PDHB: variants seen among roughly 807,000 people sequenced by gnomAD.
PDHB encodes the protein pyruvate dehydrogenase E1 component subunit beta, mitochondrial.
PDHB carries 17 observed loss-of-function variants against 42.8 expected under a neutral mutation model. The observed-to-expected ratio is 0.40, with a 90% CI of 0.27 to 0.60. PDHB has a LOEUF of 0.60. Among genes scored for constraint, PDHB ranks in the 20% least tolerant of loss-of-function variants. The pLI is 0.46. For missense variants in PDHB, 322 were observed against 451.3 expected (o/e 0.71, Z 2.60); for synonymous variants, 154 against 148.7 (o/e 1.04, Z -0.26).
Position 58,430,108 on chromosome 3 carries a change from A to C in PDHB, c.700+20T>G. On this transcript the variant is annotated intron_variant, in intron 7 of 9. Coordinates refer to ENST00000302746, the MANE Select transcript of PDHB (RefSeq NM_000925.4). Reference sequence around the variant, plus strand: ...AGGGGCTGGATTAAAAATACTGTTTATATATCTTAGTTTTCTTACCTTGCC... The same window carrying C: ...AGGGGCTGGATTAAAAATACTGTTTCTATATCTTAGTTTTCTTACCTTGCC... 7.4e-7 allele frequency: 1 copy of C among 1,344,520 alleles called. No homozygotes were observed. Among genetic ancestry groups the C allele is most frequent in the Non-Finnish European group, 1.1e-6 (1 of 934,518 alleles). The allele number at this position is 1,344,520 out of a possible 1,614,324, so 83.3% of individuals were successfully genotyped here. A position where few individuals can be genotyped will look rare whatever the true frequency, so the allele number is the denominator to read the frequency against.
Position 58,432,276 on chromosome 3 carries a change from AAAGG to A in PDHB, c.97-296_97-293del, listed in dbSNP as rs1256173073. 6 of 424,916 alleles carry A rather than the reference AAAGG, an allele frequency of 1.4e-5. No homozygotes were observed. In the East Asian group the frequency reaches 2.6e-4, roughly 18 times the overall value. 26.3% of individuals were successfully genotyped at this position (424,916 alleles called of 1,614,324 possible). ...AATGAATGGTAAAATCTAGTTAAAA[AAAGG>A]AAGGAGAGGAGAATTAACATACAAT... On this transcript the variant is annotated intron_variant, in intron 2 of 9. Coordinates refer to ENST00000302746, the MANE Select transcript of PDHB (RefSeq NM_000925.4).
intron 2 of PDHB, 66 bp downstream of exon 2, chr3:58,433,565 G>A: frequency 1.3e-6 from 2 of 1,526,066 alleles, no homozygotes; most frequent in Non-Finnish European, 1.8e-6. Flanking sequence ...GCGCGACTCC[G>A]GCCTCCTTCC....
In PDHB at chr3:58,431,012, C is replaced by A; in HGVS notation, c.304-70G>T. 2.2e-6 allele frequency: 3 copies of A among 1,345,816 alleles called. No individual in the cohort carries two copies. The highest frequency in any genetic ancestry group is 3.2e-6 in the Non-Finnish European group (3 of 936,282). 83.4% of individuals were successfully genotyped at this position (1,345,816 alleles called of 1,614,324 possible). ...ACAAACAGTAGCAAACAAATCACTC[C>A]AAGTCTTCCAACATTCAAATAATGT... On this transcript the variant is annotated intron_variant, in intron 5 of 9. Coordinates refer to ENST00000302746, the MANE Select transcript of PDHB (RefSeq NM_000925.4). This position sits in a 1 kb window ranked among gnomAD's most constrained non-coding sequence, Gnocchi z 4.4.
chr3:58,431,463 G>C lies in PDHB; in HGVS notation c.303+130C>G, dbSNP rs7644457. The C allele has an allele frequency of 0.29, 226,441 of 780,802 alleles. 40,831 individuals carry two copies. The highest frequency in any genetic ancestry group is 0.79 in the East Asian group (31,834 of 40,406). 48.4% of individuals were successfully genotyped at this position (780,802 alleles called of 1,614,324 possible). A position where few individuals can be genotyped will look rare whatever the true frequency, so the allele number is the denominator to read the frequency against. On this transcript the variant is annotated intron_variant, in intron 5 of 9. Transcript: ENST00000302746. The surrounding 1 kb of genome is among the most constrained non-coding windows in gnomAD (Gnocchi z 4.4). ...CTATGGAGGCTGAGGCAGGAGAATT[G>C]CTTGAACCTGGAAGCTGAGATGGTG...
Position 58,428,103 on chromosome 3 carries a change from A to T in PDHB, c.1011T>A (p.Ile337=). The change falls in exon 10 of 10, where the codon ATT becomes ATA. Residue 337 remains isoleucine (I), a synonymous_variant. Transcript: ENST00000302746. ...CCTGAGGTATAGAGTTGTCCTCTAG[A>T]ATCTTTGCATAAGGCATAGGGACAT... The part of the protein sequence containing the change: ...GADVPMPYAK[I]LEDNSIPQVK... The T allele has an allele frequency of 6.2e-7, 1 of 1,611,758 alleles. No individual in the cohort carries two copies. Among genetic ancestry groups the T allele is most frequent in the South Asian group, 1.1e-5 (1 of 91,028 alleles).
intron 8 of PDHB, chr3:58,428,921 C>G: frequency 3.0e-6 from 1 of 338,018 alleles, no homozygotes; most frequent in Non-Finnish European, 5.5e-6. Flanking sequence ...GTGGCGTGAT[C>G]TCGGCTCACT....
chr3:58,433,588 G>C, intron 2 of PDHB, 43 bp downstream of exon 2: 1 of 1,579,504 alleles, frequency 6.3e-7, no homozygotes, highest in Non-Finnish European at 8.6e-7. Flanking sequence ...AGAGAAGGGG[G>C]GACCCTCCCC....
intron 2 of PDHB, chr3:58,432,553 C>A: frequency 6.2e-6 from 1 of 162,020 alleles, no homozygotes. Flanking sequence ...AAAAATTGGC[C>A]GGGTGTGGTG....
rs772328849 is a variant in PDHB, at chr3:58,428,153, G to A, written c.961C>T (p.Pro321Ser). 1.2e-6 allele frequency: 2 copies of A among 1,613,924 alleles called. No individual in the cohort carries two copies. The highest frequency in any genetic ancestry group is 1.3e-5 in the African/African-American group (1 of 74,930). Residue 321 changes from proline to serine, a missense_variant, in exon 10 of 10, where the codon CCT becomes TCT. Physicochemically the swap from Pro to Ser is moderately conservative, Grantham distance 74. This residue lies in a region of PDHB where 208 missense variants were observed against 285.0 expected (regional missense o/e 0.73). Transcript: ENST00000302746. The stretch of plus-strand genomic sequence containing the variant: ...TCAGCACCAGTGACACGAACAGCAG[G>A]AGCATCCAGGAAATTGAACGCAGGA... ...EGPAFNFLDA[P>S]AVRVTGADVP... is the part of the protein sequence containing the mutation.
At chr3:58,429,662 A>C in intron 8 of PDHB, 46 bp downstream of exon 8, 1 of 1,167,004 alleles carries the variant, frequency 8.6e-7, no homozygotes, top group Non-Finnish European at 1.3e-6. Context: ...CTTAAATCTA[A>C]AAGGAGCCCT....
At position 58,433,373 on chromosome 3, in the gene PDHB, A is replaced by G. The variant is rs559350810; in HGVS notation, c.96+258T>C. The G allele has an allele frequency of 7.6e-5, 45 of 594,758 alleles. No individual in the cohort carries two copies. The African/African-American group carries it at 7.8e-4, about 10-fold the overall frequency. The allele number at this position is 594,758 out of a possible 1,614,324, so 36.8% of individuals were successfully genotyped here. On this transcript the variant is annotated intron_variant, in intron 2 of 9. Transcript: ENST00000302746. The stretch of plus-strand genomic sequence containing the variant: ...AGGTCTATTTTGCTGCAATTTAAAG[A>G]AAAAAACATGGAGTGAGGGAGGAAA...
rs778754853 is a variant in PDHB, at chr3:58,431,430, C to T, written c.303+163G>A. ...TAGGCACAGTGGCGCGACCTGTAAC[C>T]CCAGCCACTATGGAGGCTGAGGCAG... On this transcript the variant is annotated intron_variant, in intron 5 of 9. Coordinates refer to ENST00000302746, the MANE Select transcript of PDHB (RefSeq NM_000925.4). The surrounding 1 kb of genome is among the most constrained non-coding windows in gnomAD (Gnocchi z 4.4). 19 of 680,046 alleles carry T rather than the reference C, an allele frequency of 2.8e-5. No individual in the cohort carries two copies. The highest frequency in any genetic ancestry group is 5.0e-5 in the Non-Finnish European group (19 of 382,310). The allele number at this position is 680,046 out of a possible 1,614,324, so 42.1% of individuals were successfully genotyped here.
At chr3:58,433,541 A>G (rs1553848797) in intron 2 of PDHB, 90 bp downstream of exon 2, 1 of 1,397,920 alleles carries the variant, frequency 7.2e-7, no homozygotes, top group African/African-American at 1.4e-5. Context: ...CGGCGCCGGA[A>G]GGCCACAGCG....
Position 58,431,499 on chromosome 3 carries a change from C to T in PDHB, c.303+94G>A, listed in dbSNP as rs150354906. The T allele has an allele frequency of 1.5e-3, 1,533 of 1,011,158 alleles. 17 individuals carry two copies. The African/African-American group carries it at 0.021, about 14-fold the overall frequency. The allele number at this position is 1,011,158 out of a possible 1,614,324, so 62.6% of individuals were successfully genotyped here. On this transcript the variant is annotated intron_variant, in intron 5 of 9. Transcript: ENST00000302746. The surrounding 1 kb of genome is among the most constrained non-coding windows in gnomAD (Gnocchi z 4.4). ...GAAGCTGAGATGGTGCCAGTGCACT[C>T]CAGGCTGGACAACAGAGTGAGACTC...
chr3:58,432,249 A>G, intron 2 of PDHB: 1 of 476,648 alleles, frequency 2.1e-6, no homozygotes, highest in Non-Finnish European at 3.8e-6. Flanking sequence ...CTCTTTTAAT[A>G]TAATGAATGG....
chr3:58,430,189 A>G lies in PDHB; in HGVS notation c.639T>C (p.Pro213=). The G allele has an allele frequency of 6.2e-7, 1 of 1,613,016 alleles. No homozygotes were observed. Among genetic ancestry groups the G allele is most frequent in the Non-Finnish European group, 8.5e-7 (1 of 1,179,386 alleles). ...ELMYGVPFEF[P]PEAQSKDFLI... is the part of the protein sequence containing the mutation. ...GAAAATCTTTTGACTGAGCTTCCGG[A>G]GGAAATTCAAAAGGAACCCCATACA... Residue 213 remains proline, a synonymous_variant, in exon 7 of 10, where the codon CCT becomes CCC. Transcript: ENST00000302746.
In PDHB at chr3:58,431,229, A is replaced by C; in HGVS notation, c.304-287T>G. Reference sequence around the variant, plus strand: ...CTACTTGGTATTTTTTTTTTTTCCCAAATGATGTTTTTAAAAGGTGATGTT... The same window carrying C: ...CTACTTGGTATTTTTTTTTTTTCCCCAATGATGTTTTTAAAAGGTGATGTT... On this transcript the variant is annotated intron_variant, in intron 5 of 9. Coordinates refer to ENST00000302746, the MANE Select transcript of PDHB (RefSeq NM_000925.4). This position sits in a 1 kb window ranked among gnomAD's most constrained non-coding sequence, Gnocchi z 4.4. 1 of 482,060 alleles carries C rather than the reference A, an allele frequency of 2.1e-6. No homozygotes were observed. The highest frequency in any genetic ancestry group is 3.9e-5 in the East Asian group (1 of 25,396). The allele number at this position is 482,060 out of a possible 1,614,324, so 29.9% of individuals were successfully genotyped here. A position where few individuals can be genotyped will look rare whatever the true frequency, so the allele number is the denominator to read the frequency against.
chr3:58,429,238 T>C (rs2107937742), intron 8 of PDHB, among the ~76,000 whole-genome samples: 1 of 152,318 alleles, frequency 6.6e-6, no homozygotes, highest in East Asian at 1.9e-4. Context: ...AGTATTTATA[T>C]TATCCCTGTT....
rs2062916610 is a variant in PDHB, at chr3:58,431,149, T to C, written c.304-207A>G. On this transcript the variant is annotated intron_variant, in intron 5 of 9. Coordinates refer to ENST00000302746, the MANE Select transcript of PDHB (RefSeq NM_000925.4). The surrounding 1 kb of genome is among the most constrained non-coding windows in gnomAD (Gnocchi z 4.4). The stretch of plus-strand genomic sequence containing the variant: ...GCCTCTAACTCCTAGGCTCAAGTAA[T>C]CCTTCCTCAGCATCCCGAGTAGCTG... 5.0e-6 allele frequency: 3 copies of C among 602,002 alleles called. No homozygotes were observed. The Admixed American group carries it at 8.2e-5, about 16-fold the overall frequency. 37.3% of individuals were successfully genotyped at this position (602,002 alleles called of 1,614,324 possible).
Sources: allele counts gnomAD v4.1 joint callset (sites outside exome capture counted in the v4.1 genomes callset), GRCh38; gene constraint gnomAD v4.1.1; regional missense constraint gnomAD v4.1.1; non-coding constraint Gnocchi (gnomAD v3.1); transcripts MANE v1.5; gene names NCBI Gene and HGNC (gene_info 2026-07-23, HGNC 2026-07-21).